COMMD1: variants seen among roughly 807,000 people sequenced by gnomAD.
COMMD1 encodes the protein copper metabolism domain containing 1, also known as COMM domain-containing protein 1.
Under a neutral mutation model 17.2 loss-of-function variants are expected in COMMD1, and 10 were observed. The observed-to-expected ratio is 0.58, with a 90% CI of 0.36 to 0.99. The LOEUF (loss-of-function observed/expected upper bound fraction) is 0.99, where lower values mean the gene tolerates loss of function less well. Ranked by LOEUF, COMMD1 falls within the 50% of genes least tolerant of loss-of-function variation. COMMD1 has a pLI of 0.01. For synonymous variants in COMMD1, 97 were observed against 91.6 expected (o/e 1.06, Z -0.34); for missense variants, 270 against 231.8 (o/e 1.17, Z -1.07).
At chr2:61,933,543 G>C (rs1396062561) in intron 1 of COMMD1, among the ~76,000 whole-genome samples, 3 of 151,846 alleles carry the variant, frequency 2.0e-5, no homozygotes, top group Admixed American at 6.6e-5. Flanking sequence ...GATGGGCCTG[G>C]TGGCTTTATA....
chr2:62,033,896 G>A (rs890777864), intron 2 of COMMD1, among the ~76,000 whole-genome samples: 2 of 151,990 alleles, frequency 1.3e-5, no homozygotes, highest in African/African-American at 2.4e-5. Flanking sequence ...GACTGCTTGA[G>A]GCCAGGAGTT....
At chr2:62,054,311 A>T (rs1049910127) in intron 2 of COMMD1, among the ~76,000 whole-genome samples, 1 of 152,190 alleles carries the variant, frequency 6.6e-6, no homozygotes, top group Non-Finnish European at 1.5e-5. Context: ...CTAAAAATGG[A>T]ACTACCATTT....
intron 2 of COMMD1, among the ~76,000 whole-genome samples, chr2:62,058,198 T>TA (rs1670761666): frequency 6.6e-6 from 1 of 152,348 alleles, no homozygotes; most frequent in South Asian, 2.1e-4. Context: ...GTGAAGTTGT[T>TA]AGTGTAGTAT....
chr2:62,077,140 AATT>A (rs1671368812), intron 2 of COMMD1, among the ~76,000 whole-genome samples: 2 of 152,170 alleles, frequency 1.3e-5, no homozygotes, highest in Admixed American at 6.5e-5. Context: ...GAAAAAAAAT[AATT>A]ATTAGAAGAG....
At chr2:61,995,004 A>G (rs1355674910) in intron 1 of COMMD1, among the ~76,000 whole-genome samples, 2 of 152,134 alleles carry the variant, frequency 1.3e-5, no homozygotes, top group Non-Finnish European at 2.9e-5. Context: ...TAAGTTATTA[A>G]CTGCTGCTGT....
Position 61,890,662 on chromosome 2 carries a change from G to A in COMMD1, n.119+1820G>A, listed in dbSNP as rs1669407098. On this transcript the variant is annotated intron_variant and non_coding_transcript_variant, in intron 1 of 2. Coordinates refer to the COMMD1 transcript ENST00000472729. ...TTAAGACCAGCCTAGCCAACGTGGCGAAACCCCGTCTCTACTAAAAATCAA... is the reference window on the plus strand; with the variant it reads ...TTAAGACCAGCCTAGCCAACGTGGCAAAACCCCGTCTCTACTAAAAATCAA... Among the ~76,000 whole-genome samples, 5 of 151,942 alleles carry A rather than the reference G, an allele frequency of 3.3e-5. No individual in the cohort carries two copies. The South Asian group carries it at 6.2e-4, about 19-fold the overall frequency.
intron 1 of COMMD1, among the ~76,000 whole-genome samples, chr2:61,956,530 C>T (rs983893102): frequency 6.6e-6 from 1 of 151,826 alleles, no homozygotes; most frequent in Non-Finnish European, 1.5e-5. Context: ...CTGCCTCAGC[C>T]TTGAGAGTAG....
chr2:61,987,366 G>T (rs1672131947), intron 1 of COMMD1, among the ~76,000 whole-genome samples: 1 of 152,138 alleles, frequency 6.6e-6, no homozygotes, highest in African/African-American at 2.4e-5. Flanking sequence ...AAGGATGGGG[G>T]TGTTGTGATC....
chr2:62,130,932 G>T (rs1205543460), intron 2 of COMMD1, among the ~76,000 whole-genome samples: 1 of 152,222 alleles, frequency 6.6e-6, no homozygotes, highest in Non-Finnish European at 1.5e-5. Context: ...TAGGAAGTGA[G>T]TTAAAGCTAA....
chr2:61,921,646 T>G (rs1231195724), intron 1 of COMMD1, among the ~76,000 whole-genome samples: 1 of 152,158 alleles, frequency 6.6e-6, no homozygotes, highest in Non-Finnish European at 1.5e-5. Context: ...GGTTTCACCG[T>G]GTTAGCCAGG....
chr2:62,085,255 T>C (rs936120627), intron 2 of COMMD1, among the ~76,000 whole-genome samples: 1 of 149,756 alleles, frequency 6.7e-6, no homozygotes, highest in Non-Finnish European at 1.5e-5. Context: ...CCTTGCTCTG[T>C]CACCCAGGCT....
chr2:62,114,801 G>A (rs1672544111), intron 2 of COMMD1, among the ~76,000 whole-genome samples: 1 of 152,196 alleles, frequency 6.6e-6, no homozygotes, highest in South Asian at 2.1e-4. Context: ...ACTAGCCGAT[G>A]CATGTGTACA....
chr2:62,125,016 G>A (rs1331050108), intron 2 of COMMD1, among the ~76,000 whole-genome samples: 1 of 152,116 alleles, frequency 6.6e-6, no homozygotes, highest in Non-Finnish European at 1.5e-5. Flanking sequence ...GGGAATGCAG[G>A]CTTTTTAATT....
chr2:62,070,284 A>C (rs1671163506), intron 2 of COMMD1: 4 of 152,242 alleles, frequency 2.6e-5, no homozygotes, highest in Admixed American at 2.0e-4. Context: ...GGCTGGGTGC[A>C]GTTGCTCACG....
intron 2 of COMMD1, 101 bp from the exon 3 acceptor site, chr2:62,135,730 G>T (rs538488323): frequency 8.0e-6 from 6 of 749,140 alleles, no homozygotes; most frequent in Non-Finnish European, 1.5e-5. Flanking sequence ...GTCTGAGCTG[G>T]GCTTGCTGGA....
chr2:61,929,989 A>G (rs1670420816), intron 1 of COMMD1, among the ~76,000 whole-genome samples: 1 of 152,054 alleles, frequency 6.6e-6, no homozygotes, highest in Admixed American at 6.6e-5. Flanking sequence ...TAAGGGACTC[A>G]GCCATAAACC....
chr2:61,925,103 A>G (rs1670294900), intron 1 of COMMD1, among the ~76,000 whole-genome samples: 1 of 151,738 alleles, frequency 6.6e-6, no homozygotes, highest in Non-Finnish European at 1.5e-5. Flanking sequence ...GTCGCCAGCA[A>G]TGGGAGAGTC....
intron 1 of COMMD1, among the ~76,000 whole-genome samples, chr2:61,949,904 C>T (rs1226510282): frequency 1.3e-5 from 2 of 152,176 alleles, no homozygotes; most frequent in Non-Finnish European, 1.5e-5. Flanking sequence ...TGCCTGCAGA[C>T]ATAGACCCAC....
chr2:61,894,821 C>T (rs943699665), intron 1 of COMMD1, among the ~76,000 whole-genome samples: 1 of 151,934 alleles, frequency 6.6e-6, no homozygotes, highest in African/African-American at 2.4e-5. Context: ...GCCTCAGACT[C>T]CCAAGTAGCT....
Sources: gnomAD v4.1 joint callset for allele counts (sites outside exome capture counted in the v4.1 genomes callset) on GRCh38, gnomAD v4.1.1 for gene constraint, MANE v1.5 for transcripts, NCBI Gene and HGNC (gene_info 2026-07-23, HGNC 2026-07-21) for gene names.